The following STAU2 variants were observed in gnomAD, a reference collection of about 807,000 sequenced individuals.
The protein encoded by STAU2 is double-stranded RNA-binding protein Staufen homolog 2.
Under a neutral mutation model 65.9 loss-of-function variants are expected in STAU2, and 20 were observed. That is an observed-to-expected ratio of 0.30 (90% CI 0.21 to 0.44). The LOEUF is 0.44. Ranked by LOEUF, STAU2 falls within the 20% of genes least tolerant of loss-of-function variation. The probability of loss-of-function intolerance (pLI) is 1.00; values close to 1 mark genes in which losing one functional copy is unlikely to be tolerated. For missense variants in STAU2, 558 were observed against 683.9 expected (o/e 0.82, Z 2.05); for synonymous variants, 232 against 233.9 (o/e 0.99, Z 0.07).
chr8:73,695,192 G>A (rs954836218), intron 4 of STAU2, among the ~76,000 whole-genome samples: 7 of 152,154 alleles, frequency 4.6e-5, no homozygotes, highest in Admixed American at 3.3e-4. Flanking sequence ...TTGTAGCAAC[G>A]AAAGTATCTA....
chr8:73,657,278 G>A (rs1395812642), intron 6 of STAU2, among the ~76,000 whole-genome samples: 2 of 152,186 alleles, frequency 1.3e-5, no homozygotes, highest in African/African-American at 2.4e-5. Flanking sequence ...GCATAAGGAA[G>A]TGCCACAAGG....
intron 5 of STAU2, 66 bp downstream of exon 5, chr8:73,688,588 A>G: frequency 2.5e-6 from 4 of 1,583,974 alleles, no homozygotes; most frequent in Non-Finnish European, 3.5e-6. Flanking sequence ...AGCCTACTAT[A>G]AATGAAACAT....
At chr8:73,495,800 C>T (rs908478552) in intron 13 of STAU2, among the ~76,000 whole-genome samples, 2 of 150,968 alleles carry the variant, frequency 1.3e-5, no homozygotes, top group South Asian at 2.1e-4. Flanking sequence ...TATTAATCTA[C>T]GGAAGCAACA....
At chr8:73,631,070 T>C (rs1421854128) in intron 6 of STAU2, among the ~76,000 whole-genome samples, 3 of 152,046 alleles carry the variant, frequency 2.0e-5, no homozygotes, top group African/African-American at 7.2e-5. Flanking sequence ...AGAATGCCAA[T>C]CTAGGCCAGG....
intron 6 of STAU2, among the ~76,000 whole-genome samples, chr8:73,627,322 CT>C (rs1324922063): frequency 6.8e-6 from 1 of 147,422 alleles, no homozygotes; most frequent in Non-Finnish European, 1.5e-5. Flanking sequence ...GAAACACTTG[CT>C]AAAAAGCAGA....
chr8:73,469,722 TG>T (rs1819873429), intron 13 of STAU2, among the ~76,000 whole-genome samples: 1 of 152,034 alleles, frequency 6.6e-6, no homozygotes, highest in Non-Finnish European at 1.5e-5. Flanking sequence ...AACAAGTGGC[TG>T]CTACTGGATA....
intron 6 of STAU2, among the ~76,000 whole-genome samples, chr8:73,671,730 A>G (rs1437818287): frequency 6.6e-6 from 1 of 152,170 alleles, no homozygotes; most frequent in Non-Finnish European, 1.5e-5. Context: ...GTAGCCATCA[A>G]AATCATTTTG....
At chr8:73,668,660 A>G (rs1817418623) in intron 6 of STAU2, among the ~76,000 whole-genome samples, 1 of 152,206 alleles carries the variant, frequency 6.6e-6, no homozygotes, top group Non-Finnish European at 1.5e-5. Flanking sequence ...TATATCTGTT[A>G]GTGAAAAGTG....
intron 13 of STAU2, among the ~76,000 whole-genome samples, chr8:73,433,955 C>G (rs1016018037): frequency 6.6e-6 from 1 of 151,822 alleles, no homozygotes; most frequent in Non-Finnish European, 1.5e-5. Context: ...CAGATGCCCA[C>G]GTCCTAATCC....
At chr8:73,543,265 G>C (rs1381989724) in intron 13 of STAU2, among the ~76,000 whole-genome samples, 1 of 152,134 alleles carries the variant, frequency 6.6e-6, no homozygotes, top group East Asian at 1.9e-4. Context: ...CTGGAGGTGA[G>C]GAAAATCGGC....
chr8:73,448,432 G>A (rs1240394669), intron 13 of STAU2, among the ~76,000 whole-genome samples: 2 of 152,146 alleles, frequency 1.3e-5, no homozygotes, highest in South Asian at 2.1e-4. Flanking sequence ...ACAGGCGCAC[G>A]CCGCCACGCC....
At chr8:73,460,215 G>A (rs976837765) in intron 13 of STAU2, among the ~76,000 whole-genome samples, 1 of 152,220 alleles carries the variant, frequency 6.6e-6, no homozygotes, top group Non-Finnish European at 1.5e-5. Context: ...CTACGGAATA[G>A]CTGTGGTCTC....
intron 5 of STAU2, among the ~76,000 whole-genome samples, chr8:73,684,904 C>T (rs910469291): frequency 6.6e-5 from 10 of 152,064 alleles, no homozygotes; most frequent in African/African-American, 2.4e-4. Flanking sequence ...AATGCAATAC[C>T]AACTGATATG....
intron 13 of STAU2, among the ~76,000 whole-genome samples, chr8:73,549,031 G>A (rs1004813589): frequency 2.0e-5 from 3 of 152,154 alleles, no homozygotes; most frequent in Admixed American, 6.6e-5. Context: ...CAAATGCACA[G>A]CATTTCAAGA....
At chr8:73,577,851 T>C (rs529322196) in intron 12 of STAU2, among the ~76,000 whole-genome samples, 3 of 152,368 alleles carry the variant, frequency 2.0e-5, no homozygotes, top group African/African-American at 7.2e-5. Context: ...ATCTGCTCTT[T>C]TTAAATGTCT....
intron 10 of STAU2, among the ~76,000 whole-genome samples, chr8:73,596,043 T>A (rs1013626472): frequency 6.7e-6 from 1 of 150,206 alleles, no homozygotes; most frequent in African/African-American, 2.5e-5. Context: ...ACCCAGTAAG[T>A]AGAGGTTGCA....
At chr8:73,568,480 G>A (rs1808785947) in intron 12 of STAU2, among the ~76,000 whole-genome samples, 1 of 152,112 alleles carries the variant, frequency 6.6e-6, no homozygotes, top group African/African-American at 2.4e-5. Context: ...CCACGTGCCT[G>A]TAAAATTAGC....
intron 3 of STAU2, among the ~76,000 whole-genome samples, chr8:73,721,369 G>A (rs541197412): frequency 7.0e-6 from 1 of 142,214 alleles, no homozygotes; most frequent in Non-Finnish European, 1.5e-5. Flanking sequence ...GGATAAACTT[G>A]TGAACAAATA....
chr8:73,470,814 A>T (rs990467957), intron 13 of STAU2, among the ~76,000 whole-genome samples: 15 of 151,304 alleles, frequency 9.9e-5, no homozygotes, highest in South Asian at 2.1e-4. Context: ...TAAAAAAAAA[A>T]TTTTTTTTTA....
Sources: gnomAD v4.1 joint callset for allele counts (sites outside exome capture counted in the v4.1 genomes callset) on GRCh38, gnomAD v4.1.1 for gene constraint, MANE v1.5 for transcripts, NCBI Gene and HGNC (gene_info 2026-07-23, HGNC 2026-07-21) for gene names.